The following TRPC1 variants were observed in gnomAD, a reference collection of about 807,000 sequenced individuals.
TRPC1 encodes short transient receptor potential channel 1.
Under a neutral mutation model 88.2 loss-of-function variants are expected in TRPC1, and 42 were observed. The ratio of observed to expected loss-of-function variants is 0.48; its 90% CI spans 0.37 to 0.62. The LOEUF (loss-of-function observed/expected upper bound fraction) is 0.62, where lower values mean the gene tolerates loss of function less well. Ranked by LOEUF, TRPC1 falls within the 20% of genes least tolerant of loss-of-function variation. The probability of loss-of-function intolerance (pLI) is 0.00; values close to 1 mark genes in which losing one functional copy is unlikely to be tolerated. For synonymous variants in TRPC1, 288 were observed against 331.8 expected, an observed-to-expected ratio of 0.87 and a Z score of 1.43; for missense variants, 699 against 957.3, an observed-to-expected ratio of 0.73 and a Z score of 3.56.
At chr3:142,732,130 C>T (rs1313817241) in intron 1 of TRPC1, among the ~76,000 whole-genome samples, 1 of 152,078 alleles carries the variant, frequency 6.6e-6, no homozygotes, top group African/African-American at 2.4e-5. Context: ...AAAGAGTAAA[C>T]AAGGAAGGGG....
At chr3:142,733,283 G>A (rs1397891858) in intron 1 of TRPC1, among the ~76,000 whole-genome samples, 2 of 152,066 alleles carry the variant, frequency 1.3e-5, no homozygotes, top group Admixed American at 1.3e-4. Context: ...AGGCCAAGGC[G>A]GGCAGATCAC....
chr3:142,743,697 A>T (rs1934435646), intron 3 of TRPC1, 111 bp downstream of exon 3: 2 of 582,612 alleles, frequency 3.4e-6, no homozygotes. Context: ...CAAAAAATAG[A>T]TATTTTTTCT....
intron 4 of TRPC1, among the ~76,000 whole-genome samples, chr3:142,753,900 T>A (rs2108057816): frequency 6.6e-6 from 1 of 151,934 alleles, no homozygotes; most frequent in Non-Finnish European, 1.5e-5. Flanking sequence ...TTCCAGACCA[T>A]CCTGGGCCAT....
intron 9 of TRPC1, among the ~76,000 whole-genome samples, chr3:142,799,251 C>T (rs921241188): frequency 6.6e-6 from 1 of 151,876 alleles, no homozygotes; most frequent in African/African-American, 2.4e-5. Context: ...TTTTAATTAC[C>T]TTTCTCTTTT....
chr3:142,786,928 A>G (rs1936151620), intron 7 of TRPC1, among the ~76,000 whole-genome samples: 2 of 152,174 alleles, frequency 1.3e-5, no homozygotes, highest in Admixed American at 1.3e-4. Context: ...CAATGAGTAA[A>G]AACTCACCGA....
chr3:142,801,023 T>C (rs1042219354), intron 9 of TRPC1, among the ~76,000 whole-genome samples: 3 of 152,118 alleles, frequency 2.0e-5, no homozygotes, highest in South Asian at 4.1e-4. Flanking sequence ...AAACTTCCTA[T>C]GCATATTAAA....
intron 12 of TRPC1, 125 bp downstream of exon 12, chr3:142,804,755 A>G (rs1936733882): frequency 1.4e-5 from 11 of 760,334 alleles, no homozygotes; most frequent in Non-Finnish European, 2.1e-5. Context: ...TTTCACTGCT[A>G]TATACCCTAA....
chr3:142,724,441 C>A lies in TRPC1; in HGVS notation c.-119C>A. The A allele has an allele frequency of 2.0e-6, 2 of 1,011,782 alleles. No individual in the cohort carries two copies. Among genetic ancestry groups the A allele is most frequent in the Non-Finnish European group, 2.7e-6 (2 of 736,624 alleles). The allele number at this position is 1,011,782 out of a possible 1,614,324, so 62.7% of individuals were successfully genotyped here. A position where few individuals can be genotyped will look rare whatever the true frequency, so the allele number is the denominator to read the frequency against. On this transcript the variant is annotated 5_prime_UTR_variant, in exon 1 of 13. Coordinates refer to ENST00000476941, the MANE Select transcript of TRPC1 (RefSeq NM_001251845.2). The surrounding 1 kb of genome is among the most constrained non-coding windows in gnomAD (Gnocchi z 5.6). ...GGGGCCAACGGGCCTCGAGCCGAGG[C>A]AGCAGTGGGAACGACTCATCCTTTT...
intron 12 of TRPC1, among the ~76,000 whole-genome samples, chr3:142,805,317 T>C (rs1270773987): frequency 1.3e-5 from 2 of 152,142 alleles, no homozygotes; most frequent in Non-Finnish European, 1.5e-5. Flanking sequence ...GAATGACTAC[T>C]AGAATCAGCT....
At position 142,776,685 on chromosome 3, in the gene TRPC1, A is replaced by G. The variant is rs1256971772; in HGVS notation, c.633-947A>G. Among the ~76,000 whole-genome samples the G allele has an allele frequency of 6.6e-6, 1 of 152,118 alleles. No homozygotes were observed. Among genetic ancestry groups the G allele is most frequent in the Non-Finnish European group, 1.5e-5 (1 of 68,030 alleles). ...TTTGGGAGGCCGAGGTGGCTGGATC[A>G]CAAGGTCAGGAGATCGAGACGATCC... On this transcript the variant is annotated intron_variant, in intron 4 of 12. Coordinates refer to ENST00000476941, the MANE Select transcript of TRPC1 (RefSeq NM_001251845.2). This position sits in a 1 kb window ranked among gnomAD's most constrained non-coding sequence, Gnocchi z 4.1.
chr3:142,768,117 T>C (rs556807870), intron 4 of TRPC1, among the ~76,000 whole-genome samples: 3 of 152,182 alleles, frequency 2.0e-5, no homozygotes, highest in East Asian at 3.9e-4. Flanking sequence ...CAGCATAGGG[T>C]CTAAAATGGA....
At chr3:142,725,181 G>A (rs950841426) in intron 1 of TRPC1, among the ~76,000 whole-genome samples, 14 of 152,024 alleles carry the variant, frequency 9.2e-5, no homozygotes, top group African/African-American at 3.4e-4. Context: ...CTCATCACCT[G>A]GTTTTTGTTT....
rs1933606845 is a variant in TRPC1, at chr3:142,724,864, T to G, written c.172+133T>G. Reference sequence around the variant, plus strand: ...GTGTCTTCCCGCCTCGCCTGCTGCCTCAGGCGGTCTTCTCCTCACCGCCTC... The same window carrying G: ...GTGTCTTCCCGCCTCGCCTGCTGCCGCAGGCGGTCTTCTCCTCACCGCCTC... On this transcript the variant is annotated intron_variant, in intron 1 of 12. Transcript: ENST00000476941. This position sits in a 1 kb window ranked among gnomAD's most constrained non-coding sequence, Gnocchi z 5.6. 4 of 1,077,112 alleles carry G rather than the reference T, an allele frequency of 3.7e-6. No individual in the cohort carries two copies. The highest frequency in any genetic ancestry group is 3.8e-6 in the Non-Finnish European group (3 of 798,342). The allele number at this position is 1,077,112 out of a possible 1,614,324, so 66.7% of individuals were successfully genotyped here. A position where few individuals can be genotyped will look rare whatever the true frequency, so the allele number is the denominator to read the frequency against.
chr3:142,803,860 A>C, intron 10 of TRPC1, 117 bp from the exon 11 acceptor site: 1 of 1,061,574 alleles, frequency 9.4e-7, no homozygotes, highest in African/African-American at 1.6e-5. Flanking sequence ...ATTTTTAAAT[A>C]AGGAACTTTT....
At chr3:142,784,581 A>G in intron 6 of TRPC1, 123 bp from the exon 7 acceptor site, 2 of 782,982 alleles carry the variant, frequency 2.6e-6, no homozygotes, top group African/African-American at 1.8e-5. Context: ...AAACAAAACT[A>G]TGTTGAATGT....
At chr3:142,782,787 A>T (rs1936004957) in intron 6 of TRPC1, among the ~76,000 whole-genome samples, 1 of 152,176 alleles carries the variant, frequency 6.6e-6, no homozygotes, top group Non-Finnish European at 1.5e-5. Flanking sequence ...CAATGGGCAG[A>T]CTTTGAGGAT....
At chr3:142,771,417 C>G (rs1020781107) in intron 4 of TRPC1, among the ~76,000 whole-genome samples, 1 of 152,034 alleles carries the variant, frequency 6.6e-6, no homozygotes, top group African/African-American at 2.4e-5. Flanking sequence ...CTCAAGCAGT[C>G]CCCCCGCCAG....
At chr3:142,745,840 C>T (rs1341950233) in intron 3 of TRPC1, among the ~76,000 whole-genome samples, 1 of 152,032 alleles carries the variant, frequency 6.6e-6, no homozygotes, top group Non-Finnish European at 1.5e-5. Context: ...TCACTGCAAC[C>T]TCCACTTCCC....
chr3:142,728,890 T>A (rs745939633), intron 1 of TRPC1, among the ~76,000 whole-genome samples: 2 of 152,104 alleles, frequency 1.3e-5, no homozygotes, highest in African/African-American at 2.4e-5. Context: ...TGAGTATTGG[T>A]GTGAAGTGTT....
Sources: gnomAD v4.1 joint callset for allele counts (sites outside exome capture counted in the v4.1 genomes callset) on GRCh38, gnomAD v4.1.1 for gene constraint, Gnocchi (gnomAD v3.1) non-coding constraint, MANE v1.5 for transcripts, NCBI Gene and HGNC (gene_info 2026-07-23, HGNC 2026-07-21) for gene names.